THOC7: variants seen among roughly 807,000 people sequenced by gnomAD.
The protein encoded by THOC7 is NIF3L1-binding protein 1.
In THOC7, 22 loss-of-function variants were observed where a neutral mutation model predicts 33.1. That is an observed-to-expected ratio of 0.66 (90% confidence interval 0.47 to 0.95). The LOEUF is 0.95. THOC7 is among the 40% of genes least tolerant of loss of function. The pLI is 0.00. For synonymous variants in THOC7, 77 were observed against 76.8 expected (o/e 1.00, Z -0.01); for missense variants, 184 against 245.3 (o/e 0.75, Z 1.67).
At chr3:63,837,473 C>T (rs1701659086) in intron 4 of THOC7, among the ~76,000 whole-genome samples, 1 of 152,002 alleles carries the variant, frequency 6.6e-6, no homozygotes, top group South Asian at 2.1e-4. Flanking sequence ...TATAACAAAA[C>T]TCAACTTTAA....
At chr3:63,859,040 T>C (rs545857304) in intron 1 of THOC7, among the ~76,000 whole-genome samples, 1 of 152,230 alleles carries the variant, frequency 6.6e-6, no homozygotes, top group East Asian at 1.9e-4. Flanking sequence ...TTGGCTCTTA[T>C]GTAAGCTCCA....
chr3:63,834,547 C>A (rs1156335914), intron 7 of THOC7, among the ~76,000 whole-genome samples: 1 of 151,620 alleles, frequency 6.6e-6, no homozygotes, highest in Non-Finnish European at 1.5e-5. Context: ...GTAATTCCAG[C>A]TACTAGGGAG....
chr3:63,848,103 G>C (rs1300475089), intron 1 of THOC7, among the ~76,000 whole-genome samples: 1 of 152,142 alleles, frequency 6.6e-6, no homozygotes, highest in Non-Finnish European at 1.5e-5. Context: ...ATTTTACTCT[G>C]AAATATATTT....
At chr3:63,861,643 T>C (rs1479558429) in intron 1 of THOC7, 2 of 152,148 alleles carry the variant, frequency 1.3e-5, no homozygotes, top group Non-Finnish European at 2.9e-5. Context: ...CTAACCTGTG[T>C]CTGTTTCATC....
rs77305421 is a variant in THOC7, at chr3:63,859,533, T to C, written c.19+4239A>G. Among the ~76,000 whole-genome samples, 112 of 152,378 alleles carry C rather than the reference T, an allele frequency of 7.4e-4. 2 individuals carry two copies. The East Asian group carries it at 0.019, about 25-fold the overall frequency. ...CTGGAATACTTTCCTGGGCTCTTCA[T>C]GTGGTTGAACCTGTCAGGTATCACT... On this transcript the variant is annotated intron_variant, in intron 1 of 7. Coordinates refer to ENST00000295899, the MANE Select transcript of THOC7 (RefSeq NM_025075.4).
At chr3:63,859,649 T>C (rs1702170246) in intron 1 of THOC7, among the ~76,000 whole-genome samples, 1 of 152,280 alleles carries the variant, frequency 6.6e-6, no homozygotes. Context: ...TATTTACTTA[T>C]TTGATTGCAC....
At chr3:63,864,262 C>T (rs1011184222), upstream of THOC7, among the ~76,000 whole-genome samples, 2 of 151,382 alleles carry the variant, frequency 1.3e-5, no homozygotes, top group Admixed American at 6.6e-5. Context: ...GACTGCGGCC[C>T]CGCCGCCCCA....
At chr3:63,848,509 C>T (rs1048110063) in intron 1 of THOC7, 4 of 152,168 alleles carry the variant, frequency 2.6e-5, no homozygotes. Flanking sequence ...TTGATGTCTG[C>T]CTGTAACTTC....
At chr3:63,844,033 C>G (rs1701831427) in intron 1 of THOC7, among the ~76,000 whole-genome samples, 1 of 152,098 alleles carries the variant, frequency 6.6e-6, no homozygotes, top group Admixed American at 6.5e-5. Context: ...AAAAGGAGGA[C>G]ATCCTGTCAT....
intron 1 of THOC7, among the ~76,000 whole-genome samples, chr3:63,847,357 T>C (rs1049331285): frequency 6.6e-6 from 1 of 152,192 alleles, no homozygotes; most frequent in Admixed American, 6.5e-5. Flanking sequence ...CCACAGTTAA[T>C]TGTTTTGGTT....
intron 2 of THOC7, 147 bp downstream of exon 2, chr3:63,839,509 C>T: frequency 1.4e-6 from 1 of 727,880 alleles, no homozygotes; most frequent in Middle Eastern, 3.9e-4. Context: ...GAAGAAAAGG[C>T]CAAGAAAATC....
At chr3:63,835,111 A>T in intron 7 of THOC7, 43 bp downstream of exon 7, 1 of 1,595,350 alleles carries the variant, frequency 6.3e-7, no homozygotes, top group Non-Finnish European at 8.6e-7. Flanking sequence ...GGGTCATTTA[A>T]AAAATCTTCA....
chr3:63,850,171 C>T (rs1297829540), intron 1 of THOC7, among the ~76,000 whole-genome samples: 6 of 152,110 alleles, frequency 3.9e-5, no homozygotes, highest in African/African-American at 1.4e-4. Flanking sequence ...ATCAGTAATT[C>T]CTAGAAGTAA....
rs1314753455 is a variant in THOC7, at chr3:63,836,350, C to T, written c.361G>A (p.Ala121Thr). 7 of 1,612,226 alleles carry T rather than the reference C, an allele frequency of 4.3e-6. No individual in the cohort carries two copies. The highest frequency in any genetic ancestry group is 5.9e-6 in the Non-Finnish European group (7 of 1,178,972). Residue 121 changes from alanine (A) to threonine (T), a missense_variant, in exon 5 of 8, where the codon GCT becomes ACT. By Grantham distance (58) the Ala-to-Thr change is moderately conservative. Transcript: ENST00000295899. The stretch of plus-strand genomic sequence containing the variant: ...TGGTGCTGAATCACTTTTGCCAAAG[C>T]ATCATATTCTGTAAGACATAAAAAT... ...RIRKNRQEYD[A>T]LAKVIQHHPD... is the part of the protein sequence containing the mutation.
chr3:63,853,779 G>A (rs1702060264), intron 1 of THOC7, among the ~76,000 whole-genome samples: 3 of 151,902 alleles, frequency 2.0e-5, no homozygotes, highest in South Asian at 4.1e-4. Context: ...ATAGTGGCGG[G>A]CGCCTGTAGT....
At chr3:63,864,103 AGCCCCCGCCCG>A (rs1482970632), upstream of THOC7, among the ~76,000 whole-genome samples, 3 of 144,898 alleles carry the variant, frequency 2.1e-5, no homozygotes, top group African/African-American at 7.5e-5. Flanking sequence ...CCCCCCTTGC[AGCCCCCGCCCG>A]GCCCACGCCC....
upstream of THOC7, chr3:63,863,852 G>C: frequency 8.2e-7 from 1 of 1,217,162 alleles, no homozygotes; most frequent in Non-Finnish European, 1.0e-6. Flanking sequence ...TGGCGGCGGC[G>C]GAGGTCAAAC....
Position 63,835,509 on chromosome 3 carries a change from T to C in THOC7, c.411-119A>G, listed in dbSNP as rs1218307087. ...AAATAAAAAAAGGGCTTATAAGGAG[T>C]TATAACACTCCATTATGGTGAAACT... On this transcript the variant is annotated intron_variant, in intron 5 of 7. Coordinates refer to ENST00000295899, the MANE Select transcript of THOC7 (RefSeq NM_025075.4). 5.2e-6 allele frequency: 4 copies of C among 771,666 alleles called. No homozygotes were observed. In the African/African-American group the frequency reaches 7.0e-5, roughly 14 times the overall value. The allele number at this position is 771,666 out of a possible 1,614,324, so 47.8% of individuals were successfully genotyped here.
At chr3:63,837,697 TA>T (rs1701662577) in intron 4 of THOC7, among the ~76,000 whole-genome samples, 1 of 151,522 alleles carries the variant, frequency 6.6e-6, no homozygotes, top group Admixed American at 6.6e-5. Flanking sequence ...TCCAAGATGG[TA>T]AAAATTTAAT....
Sources: gnomAD v4.1 joint callset for allele counts (sites outside exome capture counted in the v4.1 genomes callset) on GRCh38, gnomAD v4.1.1 for gene constraint, MANE v1.5 for transcripts, NCBI Gene and HGNC (gene_info 2026-07-23, HGNC 2026-07-21) for gene names.